RAP1GAP2: variants seen among roughly 807,000 people sequenced by gnomAD.
RAP1GAP2 encodes RAP1 GTPase activating protein 2, also known as rap1 GTPase-activating protein 2.
In RAP1GAP2, 27 loss-of-function variants were observed where a neutral mutation model predicts 95.0. That is an observed-to-expected ratio of 0.28 (90% CI 0.21 to 0.39). RAP1GAP2 has a LOEUF of 0.39. Ranked by LOEUF, RAP1GAP2 falls within the 10% of genes least tolerant of loss-of-function variation. The pLI is 1.00. For missense variants in RAP1GAP2, 771 were observed against 970.0 expected (o/e 0.79, Z 2.72); for synonymous variants, 373 against 380.9 (o/e 0.98, Z 0.24).
chr17:2,945,464 A>G (rs1391792188), intron 3 of RAP1GAP2, among the ~76,000 whole-genome samples: 2 of 152,134 alleles, frequency 1.3e-5, no homozygotes, highest in Non-Finnish European at 2.9e-5. Context: ...TTTCCGTGGT[A>G]GATACCTTTT....
intron 13 of RAP1GAP2, among the ~76,000 whole-genome samples, chr17:2,997,994 A>G (rs1304399376): frequency 6.6e-6 from 1 of 152,072 alleles, no homozygotes; most frequent in African/African-American, 2.4e-5. Context: ...TAGGAAAGCA[A>G]CTCAAAAGAT....
chr17:2,886,180 T>A (rs1328840594), intron 2 of RAP1GAP2, among the ~76,000 whole-genome samples: 38 of 147,698 alleles, frequency 2.6e-4, no homozygotes, highest in African/African-American at 7.4e-4. Context: ...TATTTTTTTT[T>A]TTTTTTTTTT....
In RAP1GAP2 at chr17:3,018,245, C is replaced by G. The variant is rs781436088; in HGVS notation, c.1632+47C>G. 2.1e-5 allele frequency: 32 copies of G among 1,512,284 alleles called. No individual in the cohort carries two copies. The East Asian group carries it at 5.6e-4, about 26-fold the overall frequency. 93.7% of individuals were successfully genotyped at this position (1,512,284 alleles called of 1,614,324 possible). On this transcript the variant is annotated intron_variant, in intron 18 of 24. Coordinates refer to ENST00000254695, the MANE Select transcript of RAP1GAP2 (RefSeq NM_015085.5). ...GGCGGCAAGTGGGTCCCAGGGAGGCCCCCCCCAGACCTATGGAGGAAGAGT... is the reference window on the plus strand; with the variant it reads ...GGCGGCAAGTGGGTCCCAGGGAGGCGCCCCCCAGACCTATGGAGGAAGAGT...
intron 3 of RAP1GAP2, among the ~76,000 whole-genome samples, chr17:2,947,255 C>G (rs950617939): frequency 7.4e-6 from 1 of 135,554 alleles, no homozygotes; most frequent in Non-Finnish European, 1.6e-5. Flanking sequence ...AAGCAGGTGG[C>G]TTGGCGGGGG....
At chr17:2,968,113 T>A (rs972314292) in intron 8 of RAP1GAP2, among the ~76,000 whole-genome samples, 3 of 152,172 alleles carry the variant, frequency 2.0e-5, no homozygotes, top group Admixed American at 1.3e-4. Flanking sequence ...GCCAGGTGAA[T>A]TTGAGAGATT....
chr17:2,956,343 TTGGC>T (rs1238080407), intron 3 of RAP1GAP2, among the ~76,000 whole-genome samples: 1 of 152,204 alleles, frequency 6.6e-6, no homozygotes, highest in Admixed American at 6.5e-5. Flanking sequence ...CACGCTGGCT[TTGGC>T]CTGACAGAGG....
Position 2,927,185 on chromosome 17 carries a change from G to A in RAP1GAP2, c.165+21817G>A, listed in dbSNP as rs1393820510. On this transcript the variant is annotated intron_variant, in intron 3 of 24. Transcript: ENST00000254695. ...TCTTTTTTTTTTTAGACAGAATCTC[G>A]CTCTGTCACCCAGGCTGGAGTGCAG... Among the ~76,000 whole-genome samples, 9 of 149,420 alleles carry A rather than the reference G, an allele frequency of 6.0e-5. No homozygotes were observed. In the East Asian group the frequency reaches 6.1e-4, roughly 10 times the overall value.
intron 2 of RAP1GAP2, among the ~76,000 whole-genome samples, chr17:2,860,923 T>C (rs998412646): frequency 9.2e-5 from 14 of 152,060 alleles, no homozygotes; most frequent in African/African-American, 3.4e-4. Context: ...CGTTATACTT[T>C]AAATGAAATC....
chr17:2,922,274 TC>T (rs2042805671), intron 3 of RAP1GAP2, among the ~76,000 whole-genome samples: 1 of 152,212 alleles, frequency 6.6e-6, no homozygotes, highest in Non-Finnish European at 1.5e-5. Flanking sequence ...TTAATCCCGT[TC>T]CCGAGGGTGG....
At chr17:2,942,492 A>G (rs571349452) in intron 3 of RAP1GAP2, among the ~76,000 whole-genome samples, 12 of 152,236 alleles carry the variant, frequency 7.9e-5, no homozygotes, top group African/African-American at 2.9e-4. Context: ...TCACACAAAA[A>G]ATTGGATTTC....
At chr17:2,795,782 AT>A (rs2069060015), upstream of RAP1GAP2, among the ~76,000 whole-genome samples, 1 of 152,066 alleles carries the variant, frequency 6.6e-6, no homozygotes, top group African/African-American at 2.4e-5. Flanking sequence ...GTGTCTACTG[AT>A]GCCTGTGTGA....
chr17:2,821,671 G>A (rs1435506280), intron 2 of RAP1GAP2, among the ~76,000 whole-genome samples: 2 of 152,014 alleles, frequency 1.3e-5, no homozygotes, highest in Non-Finnish European at 2.9e-5. Flanking sequence ...ACCTTGCCCC[G>A]CCAAGTGTGG....
At chr17:2,771,851 C>T (rs766943324) in intron 2 of RAP1GAP2, among the ~76,000 whole-genome samples, 5 of 152,036 alleles carry the variant, frequency 3.3e-5, no homozygotes, top group Non-Finnish European at 7.4e-5. Flanking sequence ...GAAGAGTCTG[C>T]CATATAGTCA....
chr17:2,969,811 A>G (rs572251462), intron 8 of RAP1GAP2, among the ~76,000 whole-genome samples: 2 of 151,818 alleles, frequency 1.3e-5, no homozygotes, highest in South Asian at 4.2e-4. Context: ...GCCTAAATAT[A>G]TATATTCTTA....
chr17:2,832,192 A>G (rs1307256183), intron 2 of RAP1GAP2, among the ~76,000 whole-genome samples: 1 of 129,438 alleles, frequency 7.7e-6, no homozygotes, highest in Non-Finnish European at 1.6e-5. Context: ...TGACAGAGTG[A>G]GACTCTGTCT....
At position 2,960,438 on chromosome 17, in the gene RAP1GAP2, A is replaced by G. The variant is rs541337442; in HGVS notation, c.202-2232A>G. Reference sequence around the variant, plus strand: ...GTGTGTGTGAGGGGAGCGCCTGTTCAGTGGGAACGGCCCTCCCACGCCCTC... The same window carrying G: ...GTGTGTGTGAGGGGAGCGCCTGTTCGGTGGGAACGGCCCTCCCACGCCCTC... On this transcript the variant is annotated intron_variant, in intron 4 of 24. Transcript: ENST00000254695. Among the ~76,000 whole-genome samples the G allele has an allele frequency of 3.9e-5, 6 of 152,310 alleles. No homozygotes were observed. In the East Asian group the frequency reaches 1.2e-3, roughly 29 times the overall value.
At position 2,804,703 on chromosome 17, in the gene RAP1GAP2, A is replaced by G. The variant is rs1168225901; in HGVS notation, c.80+4153A>G. On this transcript the variant is annotated intron_variant, in intron 2 of 24. Transcript: ENST00000254695. ...GTGCCTGGATGAGTTGGACACTCAG[A>G]AGCAAGGATTTACTTAACTGCAGTG... Among the ~76,000 whole-genome samples the G allele has an allele frequency of 3.3e-5, 5 of 152,180 alleles. No individual in the cohort carries two copies. In the East Asian group the frequency reaches 9.6e-4, roughly 29 times the overall value.
Position 2,820,366 on chromosome 17 carries a change from A to G in RAP1GAP2, c.80+19816A>G, listed in dbSNP as rs542566940. 5.9e-5 allele frequency among the ~76,000 whole-genome samples: 9 copies of G among 152,216 alleles called. No homozygotes were observed. In the South Asian group the frequency reaches 1.9e-3, roughly 32 times the overall value. ...CTGGGCGCGGTGGCTCACGCCTGTA[A>G]TCACAGCACTTTGGCAGGCCAAGGT... On this transcript the variant is annotated intron_variant, in intron 2 of 24. Transcript: ENST00000254695.
intron 2 of RAP1GAP2, among the ~76,000 whole-genome samples, chr17:2,897,017 T>C (rs2041852453): frequency 6.6e-6 from 1 of 152,108 alleles, no homozygotes; most frequent in African/African-American, 2.4e-5. Flanking sequence ...TTCTGTCCCC[T>C]CACTTGAGGG....
Sources: allele counts gnomAD v4.1 joint callset (sites outside exome capture counted in the v4.1 genomes callset), GRCh38; gene constraint gnomAD v4.1.1; transcripts MANE v1.5; gene names NCBI Gene and HGNC (gene_info 2026-07-23, HGNC 2026-07-21).